Variants in MCF2L2 observed in about 807,000 individuals in gnomAD.
The protein encoded by MCF2L2 is MCF.2 cell line derived transforming sequence-like 2.
Under a neutral mutation model 150.2 loss-of-function variants are expected in MCF2L2, and 102 were observed. The ratio of observed to expected loss-of-function variants is 0.68; its 90% confidence interval spans 0.58 to 0.80. The LOEUF (loss-of-function observed/expected upper bound fraction) is 0.80, where lower values mean the gene tolerates loss of function less well. Among genes scored for constraint, MCF2L2 ranks in the 30% least tolerant of loss-of-function variants. The probability of loss-of-function intolerance (pLI) is 0.00; values close to 1 mark genes in which losing one functional copy is unlikely to be tolerated. For synonymous variants in MCF2L2, 465 were observed against 491.3 expected (o/e 0.95, Z 0.71); for missense variants, 1,256 against 1,372.8 (o/e 0.91, Z 1.34).
chr3:183,362,520 G>C (rs900621220), intron 3 of MCF2L2, among the ~76,000 whole-genome samples: 9 of 150,862 alleles, frequency 6.0e-5, no homozygotes, highest in African/African-American at 2.0e-4. Flanking sequence ...TAGCTTCTGG[G>C]AGAGAAAATG....
chr3:183,205,151 C>A (rs1722427265), intron 25 of MCF2L2, among the ~76,000 whole-genome samples: 1 of 152,162 alleles, frequency 6.6e-6, no homozygotes, highest in Admixed American at 6.5e-5. Context: ...GAGGCCGAGG[C>A]AGGCAGATCA....
intron 5 of MCF2L2, among the ~76,000 whole-genome samples, chr3:183,326,602 A>C (rs1730050409): frequency 6.6e-6 from 1 of 152,152 alleles, no homozygotes; most frequent in Admixed American, 6.5e-5. Flanking sequence ...TTTCATAGGA[A>C]GTTACAAAGG....
chr3:183,185,255 T>C (rs1721656546), intron 27 of MCF2L2, among the ~76,000 whole-genome samples: 1 of 152,256 alleles, frequency 6.6e-6, no homozygotes, highest in Non-Finnish European at 1.5e-5. Context: ...CTCTATCACA[T>C]GAACTAAAGG....
intron 25 of MCF2L2, among the ~76,000 whole-genome samples, chr3:183,198,630 G>A (rs1220943883): frequency 6.6e-6 from 1 of 152,094 alleles, no homozygotes; most frequent in African/African-American, 2.4e-5. Context: ...GTAGTAAAAG[G>A]TCTCTACCTA....
chr3:183,276,931 AT>A lies in MCF2L2; in HGVS notation c.1802del (p.His601LeufsTer35). ...VKSEEIFESH[H>X]ERGNPELEQQ... ...GCTCCAGCTCAGGGTTCCCCCTTTC[AT>A]GATGGCTTTCAAAGATTTCTTCACT... On this transcript the variant is annotated frameshift_variant, in exon 15 of 30. Coordinates refer to ENST00000328913, the MANE Select transcript of MCF2L2 (RefSeq NM_015078.4). LOFTEE classifies it high-confidence loss of function. The A allele has an allele frequency of 6.2e-7, 1 of 1,609,792 alleles. No individual in the cohort carries two copies. Among genetic ancestry groups the A allele is most frequent in the Non-Finnish European group, 8.5e-7 (1 of 1,177,802 alleles).
chr3:183,294,039 A>G (rs983512263), intron 13 of MCF2L2, among the ~76,000 whole-genome samples: 2 of 152,220 alleles, frequency 1.3e-5, no homozygotes, highest in African/African-American at 4.8e-5. Context: ...TGTAATCCCT[A>G]TCATAATCCC....
intron 3 of MCF2L2, among the ~76,000 whole-genome samples, chr3:183,346,252 A>G (rs1237170776): frequency 6.6e-6 from 1 of 151,214 alleles, no homozygotes; most frequent in African/African-American, 2.4e-5. Context: ...CCTGGGATGC[A>G]CTCAACATAT....
intron 1 of MCF2L2, among the ~76,000 whole-genome samples, chr3:183,397,786 T>C (rs1336256003): frequency 1.3e-5 from 2 of 152,210 alleles, no homozygotes; most frequent in Non-Finnish European, 2.9e-5. Flanking sequence ...TAGGGATTTC[T>C]AAGGTAATAT....
intron 21 of MCF2L2, among the ~76,000 whole-genome samples, chr3:183,217,924 A>G (rs776333791): frequency 2.0e-5 from 3 of 152,234 alleles, no homozygotes; most frequent in Non-Finnish European, 2.9e-5. Flanking sequence ...AGGCTTTTGC[A>G]TGGGCTTGAG....
chr3:183,352,221 T>C (rs6443871), intron 3 of MCF2L2, among the ~76,000 whole-genome samples: 17,072 of 152,192 alleles, frequency 0.11, 1,574 homozygotes, highest in African/African-American at 0.24. Context: ...GCATCTTCAC[T>C]TAGAATGGAC....
intron 2 of MCF2L2, 40 bp downstream of exon 2, chr3:183,389,656 C>T (rs768618809): frequency 6.5e-7 from 1 of 1,537,452 alleles, no homozygotes; most frequent in Non-Finnish European, 9.0e-7. Flanking sequence ...TCAAGACCCC[C>T]CCATCAAAAT....
At chr3:183,281,358 T>C (rs1006258435) in intron 14 of MCF2L2, among the ~76,000 whole-genome samples, 1 of 143,348 alleles carries the variant, frequency 7.0e-6, no homozygotes, top group Non-Finnish European at 1.5e-5. Context: ...AGGGGGAACC[T>C]CACCTTTTTT....
intron 3 of MCF2L2, among the ~76,000 whole-genome samples, chr3:183,364,650 A>C (rs1712419317): frequency 6.6e-6 from 1 of 152,226 alleles, no homozygotes; most frequent in Non-Finnish European, 1.5e-5. Flanking sequence ...AGCTAACTTA[A>C]GAAGAAAAAA....
intron 26 of MCF2L2, 84 bp from the exon 27 acceptor site, chr3:183,193,180 C>T: frequency 1.8e-6 from 2 of 1,111,632 alleles, no homozygotes; most frequent in Non-Finnish European, 2.7e-6. Context: ...TAACGCTGGC[C>T]CACCTAGTGT....
intron 1 of MCF2L2, among the ~76,000 whole-genome samples, chr3:183,402,620 A>T (rs2108613322): frequency 6.6e-6 from 1 of 151,912 alleles, no homozygotes; most frequent in South Asian, 2.1e-4. Flanking sequence ...GGGCAACATA[A>T]GGAGACCATG....
chr3:183,288,978 C>A (rs1727959391), intron 14 of MCF2L2, 142 bp downstream of exon 14: 1 of 564,114 alleles, frequency 1.8e-6, no homozygotes, highest in Non-Finnish European at 3.1e-6. Flanking sequence ...ATCCTATAAA[C>A]CCCAGTTCTT....
At position 183,280,520 on chromosome 3, in the gene MCF2L2, G is replaced by C. The variant is rs529463376; in HGVS notation, c.1777-3563C>G. On this transcript the variant is annotated intron_variant, in intron 14 of 29. Transcript: ENST00000328913. The stretch of plus-strand genomic sequence containing the variant: ...TTTTACTTTGTGATTTTAGGAATGT[G>C]TAGAAAGTGATTTCAGTTCCAACTC... Among the ~76,000 whole-genome samples the C allele has an allele frequency of 2.6e-5, 4 of 152,058 alleles. No homozygotes were observed. The East Asian group carries it at 7.7e-4, about 29-fold the overall frequency.
chr3:183,409,460 A>G (rs1715208855), intron 1 of MCF2L2, among the ~76,000 whole-genome samples: 2 of 152,018 alleles, frequency 1.3e-5, no homozygotes, highest in Admixed American at 1.3e-4. Flanking sequence ...AATAGACTGC[A>G]CTTACCATTA....
chr3:183,296,751 A>T, intron 12 of MCF2L2: 1 of 510,030 alleles, frequency 2.0e-6, no homozygotes, highest in Non-Finnish European at 3.5e-6. Flanking sequence ...AGGAATGCTC[A>T]TAAGCATTAA....
Sources: allele counts gnomAD v4.1 joint callset (sites outside exome capture counted in the v4.1 genomes callset), GRCh38; gene constraint gnomAD v4.1.1; transcripts MANE v1.5; gene names NCBI Gene and HGNC (gene_info 2026-07-23, HGNC 2026-07-21).